The following KAZN variants were observed in gnomAD, a reference collection of about 807,000 sequenced individuals.
KAZN encodes the protein kazrin, periplakin interacting protein.
A neutral mutation model predicts 87.4 loss-of-function variants in KAZN; 40 were observed. That is an observed-to-expected ratio of 0.46 (90% confidence interval 0.36 to 0.60). KAZN has a LOEUF of 0.60. Among genes scored for constraint, KAZN ranks in the 20% least tolerant of loss-of-function variants. The pLI is 0.00. For synonymous variants in KAZN, 466 were observed against 458.3 expected (o/e 1.02, Z -0.22); for missense variants, 898 against 1,073.9 (o/e 0.84, Z 2.29).
chr1:14,860,647 A>T (rs1445725245), intron 1 of KAZN, among the ~76,000 whole-genome samples: 1 of 152,158 alleles, frequency 6.6e-6, no homozygotes, highest in Non-Finnish European at 1.5e-5. Context: ...TTGAAAGAAA[A>T]TCGGTATTTT....
At chr1:14,627,767 A>T (rs1031221596) in intron 1 of KAZN, among the ~76,000 whole-genome samples, 27 of 152,182 alleles carry the variant, frequency 1.8e-4, no homozygotes, top group African/African-American at 6.3e-4. Context: ...CGACCGCCAA[A>T]CAACCAGCTA....
chr1:14,856,817 A>G lies in KAZN; in HGVS notation c.227-103867A>G, dbSNP rs906602090. Among the ~76,000 whole-genome samples, 1 of 152,186 alleles carries G rather than the reference A, an allele frequency of 6.6e-6. No individual in the cohort carries two copies. Among genetic ancestry groups the G allele is most frequent in the Non-Finnish European group, 1.5e-5 (1 of 68,038 alleles). On this transcript the variant is annotated intron_variant, in intron 1 of 14. Transcript: ENST00000376030. This position sits in a 1 kb window ranked among gnomAD's most constrained non-coding sequence, Gnocchi z 5.2. ...GCTGTTGCAGAGAGTTTGCAATTCA[A>G]TCGGAACTCAGACTTTTTTCCTCTG... is the stretch of plus-strand genomic sequence containing the variant.
At chr1:14,383,987 T>C (rs1301737702) in intron 2 of KAZN, among the ~76,000 whole-genome samples, 1 of 152,096 alleles carries the variant, frequency 6.6e-6, no homozygotes, top group Non-Finnish European at 1.5e-5. Flanking sequence ...CTCTTTTATT[T>C]CCTTCAGCAG....
intron 1 of KAZN, among the ~76,000 whole-genome samples, chr1:14,079,286 C>A (rs567348979): frequency 6.6e-6 from 1 of 152,358 alleles, no homozygotes; most frequent in South Asian, 2.1e-4. Flanking sequence ...CAGCTTGCTG[C>A]TGGCAGTCAT....
At chr1:14,870,530 G>A (rs1055523426) in intron 1 of KAZN, among the ~76,000 whole-genome samples, 1 of 152,068 alleles carries the variant, frequency 6.6e-6, no homozygotes, top group African/African-American at 2.4e-5. Context: ...TAGTAGAGAC[G>A]CGGTTTCTCC....
At chr1:14,426,106 C>T (rs764519028) in intron 2 of KAZN, among the ~76,000 whole-genome samples, 3 of 152,228 alleles carry the variant, frequency 2.0e-5, no homozygotes, top group South Asian at 2.1e-4. Context: ...CTGCCTGAAT[C>T]AGCTCAGCCT....
intron 2 of KAZN, among the ~76,000 whole-genome samples, chr1:14,198,908 G>T (rs560846937): frequency 3.3e-5 from 5 of 152,122 alleles, no homozygotes; most frequent in Admixed American, 6.5e-5. Flanking sequence ...GCAAAGCTAA[G>T]GTTTGAACCT....
At chr1:14,552,111 A>G (rs2148513586) in intron 2 of KAZN, among the ~76,000 whole-genome samples, 1 of 152,226 alleles carries the variant, frequency 6.6e-6, no homozygotes, top group South Asian at 2.1e-4. Flanking sequence ...CCTAAAATAT[A>G]ATTTACCCCT....
chr1:14,811,505 G>A (rs6704465), intron 1 of KAZN, among the ~76,000 whole-genome samples: 29,218 of 152,210 alleles, frequency 0.19, 3,093 homozygotes, highest in African/African-American at 0.27. Flanking sequence ...TATTTTAAAT[G>A]AAGCCATTTG....
At chr1:14,530,202 C>T (rs968504812) in intron 2 of KAZN, among the ~76,000 whole-genome samples, 3 of 152,244 alleles carry the variant, frequency 2.0e-5, no homozygotes, top group East Asian at 3.9e-4. Flanking sequence ...TACCAAGACA[C>T]ATTCCAGGAA....
rs543163189 is a variant in KAZN at position 13,975,167 on chromosome 1, T to A, written c.91+81411T>A. Among the ~76,000 whole-genome samples the A allele has an allele frequency of 3.3e-5, 5 of 152,092 alleles. No individual in the cohort carries two copies. The East Asian group carries it at 9.7e-4, about 30-fold the overall frequency. On this transcript the variant is annotated intron_variant, in intron 1 of 16. Transcript: ENST00000636203. ...AGACAGATCATAGAGTGTGTCAGGG[T>A]GGTGGCTGAGTCAGCTGCCCACCCC...
At chr1:14,262,884 C>T (rs553200935) in intron 2 of KAZN, among the ~76,000 whole-genome samples, 1 of 152,248 alleles carries the variant, frequency 6.6e-6, no homozygotes, top group South Asian at 2.1e-4. Flanking sequence ...GTGTTTTATT[C>T]CCCTTTAAAA....
intron 6 of KAZN, 40 bp downstream of exon 6, chr1:15,060,342 G>C: frequency 1.2e-6 from 2 of 1,612,150 alleles, no homozygotes; most frequent in Non-Finnish European, 1.7e-6. Context: ...CCTGGGCCCT[G>C]CCCAGAAACT....
At chr1:14,357,303 C>A (rs1310685597) in intron 2 of KAZN, among the ~76,000 whole-genome samples, 2 of 152,164 alleles carry the variant, frequency 1.3e-5, no homozygotes, top group Admixed American at 1.3e-4. Context: ...AGTTGCTTAT[C>A]AGCTTAAGGA....
In KAZN at chr1:14,649,042, C is replaced by T. The variant is rs140527500; in HGVS notation, c.226+49819C>T. Among the ~76,000 whole-genome samples, 30 of 152,340 alleles carry T rather than the reference C, an allele frequency of 2.0e-4. 1 individual carries two copies. The highest frequency in any genetic ancestry group is 7.2e-4 in the African/African-American group (30 of 41,582). On this transcript the variant is annotated intron_variant, in intron 1 of 14. Transcript: ENST00000376030. ...GGATGATTTCCCAAACCACTTGGAACAATGAAGTGTGCCCTGATTTGTTTG... is the reference window on the plus strand; with the variant it reads ...GGATGATTTCCCAAACCACTTGGAATAATGAAGTGTGCCCTGATTTGTTTG...
intron 2 of KAZN, among the ~76,000 whole-genome samples, chr1:14,211,176 T>C (rs1420826183): frequency 3.3e-5 from 5 of 152,160 alleles, no homozygotes; most frequent in African/African-American, 9.7e-5. Context: ...AATCACAGTG[T>C]TCAACTATTT....
At chr1:14,180,374 T>A in intron 1 of KAZN, 9 of 1,475,896 alleles carry the variant, frequency 6.1e-6, no homozygotes, top group Non-Finnish European at 7.3e-6. Context: ...AAATGGCTAG[T>A]CAATTTCTCT....
At position 14,709,410 on chromosome 1, in the gene KAZN, G is replaced by A. The variant is rs577396059; in HGVS notation, c.226+110187G>A. 2.6e-5 allele frequency among the ~76,000 whole-genome samples: 4 copies of A among 152,218 alleles called. No individual in the cohort carries two copies. In the South Asian group the frequency reaches 6.2e-4, roughly 24 times the overall value. Reference sequence around the variant, plus strand: ...CACAAATGTTGAACTCCTGAGTCTCGGTCAAGAAAAACTTAAGACTGAAAA... The same window carrying A: ...CACAAATGTTGAACTCCTGAGTCTCAGTCAAGAAAAACTTAAGACTGAAAA... On this transcript the variant is annotated intron_variant, in intron 1 of 14. Transcript: ENST00000376030.
At position 14,599,472 on chromosome 1, in the gene KAZN, G is replaced by C. The variant is rs1381527190; in HGVS notation, c.226+249G>C. 6.6e-6 allele frequency among the ~76,000 whole-genome samples: 1 copy of C among 152,168 alleles called. No individual in the cohort carries two copies. The highest frequency in any genetic ancestry group is 1.5e-5 in the Non-Finnish European group (1 of 68,018). On this transcript the variant is annotated intron_variant, in intron 1 of 14. Coordinates refer to ENST00000376030, the MANE Select transcript of KAZN (RefSeq NM_201628.3). This position sits in a 1 kb window ranked among gnomAD's most constrained non-coding sequence, Gnocchi z 4.4. ...CACACCGGCCCCGGCCAGCCTGAGC[G>C]AGGCGCAGCCGGCGGGTCCCTTCCG... is the stretch of plus-strand genomic sequence containing the variant.
Sources: allele counts gnomAD v4.1 joint callset (sites outside exome capture counted in the v4.1 genomes callset), GRCh38; gene constraint gnomAD v4.1.1; non-coding constraint Gnocchi (gnomAD v3.1); transcripts MANE v1.5; gene names NCBI Gene and HGNC (gene_info 2026-07-23, HGNC 2026-07-21).